Variants in CSMD3 observed in about 807,000 individuals in gnomAD.
CSMD3 encodes the protein CUB and Sushi multiple domains 3.
CSMD3 carries 177 observed loss-of-function variants against 435.2 expected under a neutral mutation model. The ratio of observed to expected loss-of-function variants is 0.41; its 90% confidence interval spans 0.36 to 0.46. The LOEUF is 0.46. CSMD3 is among the 20% of genes least tolerant of loss of function. The pLI, the probability that CSMD3 is intolerant of heterozygous loss-of-function variation, is 0.34. For missense variants in CSMD3, 4,265 were observed against 4,504.6 expected (o/e 0.95, Z 1.52); for synonymous variants, 1,656 against 1,520.5 (o/e 1.09, Z -2.07).
intron 30 of CSMD3, among the ~76,000 whole-genome samples, chr8:112,501,759 T>C (rs1821987794): frequency 6.6e-6 from 1 of 152,222 alleles, no homozygotes; most frequent in South Asian, 2.1e-4. Flanking sequence ...TTCATCGTCA[T>C]TCATTTCTGG....
chr8:112,961,570 A>C (rs1430407753), intron 7 of CSMD3, among the ~76,000 whole-genome samples: 2 of 151,880 alleles, frequency 1.3e-5, no homozygotes, highest in African/African-American at 4.8e-5. Context: ...TAGGCTAAGA[A>C]ATAAGTGTAA....
chr8:112,504,611 T>C (rs965517215), intron 29 of CSMD3, among the ~76,000 whole-genome samples: 5 of 152,172 alleles, frequency 3.3e-5, no homozygotes, highest in Admixed American at 2.6e-4. Context: ...ATGTAGGAGA[T>C]ATCAAACCAA....
chr8:112,550,280 G>A (rs1229904194), intron 27 of CSMD3, among the ~76,000 whole-genome samples: 1 of 151,680 alleles, frequency 6.6e-6, no homozygotes, highest in East Asian at 1.9e-4. Flanking sequence ...CAGGAAAAAT[G>A]TAGGGTTGTA....
chr8:113,410,941 GAAAGAAAGAA>G (rs1219447895), intron 1 of CSMD3, among the ~76,000 whole-genome samples: 1 of 139,082 alleles, frequency 7.2e-6, no homozygotes. Flanking sequence ...AAGAAAGAAA[GAAAGAAAGAA>G]AGAGAAGGGA....
intron 53 of CSMD3, among the ~76,000 whole-genome samples, chr8:112,298,174 A>C (rs956055048): frequency 3.3e-5 from 5 of 151,924 alleles, no homozygotes; most frequent in African/African-American, 1.2e-4. Context: ...CAAACTGATG[A>C]AAGGATTCAA....
chr8:113,220,811 T>C (rs2092957784), intron 3 of CSMD3, among the ~76,000 whole-genome samples: 1 of 151,342 alleles, frequency 6.6e-6, no homozygotes, highest in South Asian at 2.1e-4. Context: ...TTCAAGTAAT[T>C]AAAAGGAACA....
At chr8:112,229,072 A>T (rs1812840191) in intron 69 of CSMD3, among the ~76,000 whole-genome samples, 181 bp from the exon 70 acceptor site, 1 of 152,204 alleles carries the variant, frequency 6.6e-6, no homozygotes, top group Non-Finnish European at 1.5e-5. Context: ...TGCCTCTTAG[A>T]AGATATTTTT....
intron 5 of CSMD3, among the ~76,000 whole-genome samples, chr8:113,089,916 C>A (rs1041492284): frequency 1.3e-5 from 2 of 152,016 alleles, no homozygotes; most frequent in East Asian, 1.9e-4. Context: ...TTTTGACTAA[C>A]CATGATGACT....
intron 1 of CSMD3, among the ~76,000 whole-genome samples, chr8:113,377,903 G>A (rs898523277): frequency 6.6e-6 from 1 of 152,062 alleles, no homozygotes; most frequent in Non-Finnish European, 1.5e-5. Flanking sequence ...AATAAACGAG[G>A]AGCACGCCTG....
chr8:112,736,245 C>T (rs1435546035), intron 13 of CSMD3, among the ~76,000 whole-genome samples: 1 of 152,048 alleles, frequency 6.6e-6, no homozygotes, highest in Non-Finnish European at 1.5e-5. Context: ...ATGCTTTCCA[C>T]ACTGCCAGTA....
intron 1 of CSMD3, among the ~76,000 whole-genome samples, chr8:113,409,079 CTTTTTTT>C (rs1218107775): frequency 4.2e-4 from 42 of 99,092 alleles, no homozygotes; most frequent in Middle Eastern, 6.1e-3. Flanking sequence ...TCTTCTTCTT[CTTTTTTT>C]TTTTTTTTTT....
chr8:112,408,457 T>G (rs1439754661), intron 33 of CSMD3, 44 bp from the exon 34 acceptor site: 1 of 1,169,908 alleles, frequency 8.5e-7, no homozygotes, highest in Admixed American at 1.7e-5. Context: ...ATAATTTTCA[T>G]TCAGTAAACC....
At chr8:113,193,116 T>C (rs1409471602) in intron 3 of CSMD3, among the ~76,000 whole-genome samples, 2 of 151,192 alleles carry the variant, frequency 1.3e-5, no homozygotes, top group Admixed American at 6.6e-5. Context: ...CTGAGTTAAG[T>C]AGTGAAAAAT....
chr8:112,409,124 G>A, intron 32 of CSMD3, 92 bp from the exon 33 acceptor site: 6 of 1,268,146 alleles, frequency 4.7e-6, no homozygotes, highest in Non-Finnish European at 6.8e-6. Flanking sequence ...AGGAGAGAGA[G>A]AACAAAGTAT....
chr8:113,234,709 C>A (rs564862819), intron 3 of CSMD3, among the ~76,000 whole-genome samples: 2 of 152,214 alleles, frequency 1.3e-5, no homozygotes, highest in Admixed American at 1.3e-4. Flanking sequence ...GAAGGCAAGT[C>A]ATTATCATTT....
intron 38 of CSMD3, among the ~76,000 whole-genome samples, chr8:112,376,281 G>A (rs1011909847): frequency 6.6e-6 from 1 of 151,940 alleles, no homozygotes; most frequent in Non-Finnish European, 1.5e-5. Flanking sequence ...TTTCTATGTC[G>A]AGCATAGTGC....
At chr8:112,347,102 G>A (rs1387468524) in intron 40 of CSMD3, among the ~76,000 whole-genome samples, 3 of 152,046 alleles carry the variant, frequency 2.0e-5, no homozygotes, top group Admixed American at 6.6e-5. Flanking sequence ...GTAAAAAGAT[G>A]CACACAAATT....
At chr8:112,281,973 G>A (rs2130589024) in intron 58 of CSMD3, among the ~76,000 whole-genome samples, 1 of 152,070 alleles carries the variant, frequency 6.6e-6, no homozygotes, top group Non-Finnish European at 1.5e-5. Context: ...AAACACGAAT[G>A]TCTTTTTATG....
intron 16 of CSMD3, among the ~76,000 whole-genome samples, chr8:112,670,681 G>T (rs140480284): frequency 6.6e-6 from 1 of 152,148 alleles, no homozygotes; most frequent in Admixed American, 6.6e-5. Flanking sequence ...GTGCAATAGG[G>T]TGGATGGTGA....
Sources: gnomAD v4.1 joint callset for allele counts (sites outside exome capture counted in the v4.1 genomes callset) on GRCh38, gnomAD v4.1.1 for gene constraint, MANE v1.5 for transcripts, NCBI Gene and HGNC (gene_info 2026-07-23, HGNC 2026-07-21) for gene names.